The following BRINP3 variants were observed in gnomAD, a reference collection of about 807,000 sequenced individuals.
BRINP3 encodes the protein BMP/retinoic acid inducible neural specific 3, also known as BMP/retinoic acid-inducible neural-specific protein 3.
In BRINP3, 19 loss-of-function variants were observed where a neutral mutation model predicts 71.0. The ratio of observed to expected loss-of-function variants is 0.27; its 90% confidence interval spans 0.19 to 0.39. The LOEUF (loss-of-function observed/expected upper bound fraction) is 0.39, where lower values mean the gene tolerates loss of function less well. Ranked by LOEUF, BRINP3 falls within the 10% of genes least tolerant of loss-of-function variation. BRINP3 has a pLI of 1.00. For missense variants in BRINP3, 959 were observed against 940.8 expected (o/e 1.02, Z -0.25); for synonymous variants, 380 against 337.7 (o/e 1.13, Z -1.37).
chr1:190,301,218 T>TATAC (rs1206327229), intron 2 of BRINP3, among the ~76,000 whole-genome samples: 1 of 76,886 alleles, frequency 1.3e-5, no homozygotes, highest in Non-Finnish European at 2.7e-5. Flanking sequence ...TATATATATA[T>TATAC]ATATATATAT....
chr1:190,181,356 C>T (rs185740377), intron 6 of BRINP3, among the ~76,000 whole-genome samples: 156 of 151,954 alleles, frequency 1.0e-3, no homozygotes, highest in Admixed American at 2.9e-3. Context: ...TTTTGACTAC[C>T]GTAAATAAAA....
intron 2 of BRINP3, among the ~76,000 whole-genome samples, chr1:190,434,164 G>A (rs973577855): frequency 6.6e-6 from 1 of 151,710 alleles, no homozygotes; most frequent in Non-Finnish European, 1.5e-5. Flanking sequence ...CCTCACCCAG[G>A]CTGAAGTGCA....
chr1:190,327,356 A>C (rs1666672266), intron 2 of BRINP3, among the ~76,000 whole-genome samples: 1 of 144,554 alleles, frequency 6.9e-6, no homozygotes, highest in Non-Finnish European at 1.5e-5. Flanking sequence ...AAAAAGGAAA[A>C]AAAAAAAAGA....
At chr1:190,246,368 C>T (rs1265204084) in intron 4 of BRINP3, among the ~76,000 whole-genome samples, 1 of 150,042 alleles carries the variant, frequency 6.7e-6, no homozygotes, top group Non-Finnish European at 1.5e-5. Flanking sequence ...TCTTAGATTG[C>T]AGCCAATCCA....
At chr1:190,410,271 G>C (rs1183604732) in intron 2 of BRINP3, among the ~76,000 whole-genome samples, 5 of 152,026 alleles carry the variant, frequency 3.3e-5, no homozygotes, top group African/African-American at 2.4e-5. Flanking sequence ...GTTATGGGAG[G>C]GTATGCCTCT....
At chr1:190,234,279 AT>A in intron 5 of BRINP3, 92 bp downstream of exon 5, 1 of 780,294 alleles carries the variant, frequency 1.3e-6, no homozygotes, top group Non-Finnish European at 2.1e-6. Context: ...GCCTGTATGT[AT>A]ATGCAGTTTA....
At chr1:190,453,379 C>T (rs987895327) in intron 2 of BRINP3, among the ~76,000 whole-genome samples, 5 of 151,516 alleles carry the variant, frequency 3.3e-5, no homozygotes, top group African/African-American at 1.2e-4. Flanking sequence ...AGCCACCACG[C>T]CCGGCTAATT....
At chr1:190,354,576 T>C (rs1248673199) in intron 2 of BRINP3, among the ~76,000 whole-genome samples, 1 of 152,008 alleles carries the variant, frequency 6.6e-6, no homozygotes, top group Admixed American at 6.6e-5. Context: ...TTAAGAATTT[T>C]AAAATTAATT....
chr1:190,333,893 T>C (rs942041361), intron 2 of BRINP3, among the ~76,000 whole-genome samples: 15 of 151,924 alleles, frequency 9.9e-5, no homozygotes, highest in African/African-American at 3.1e-4. Context: ...TTAATTTACT[T>C]GCTCACTCTA....
intron 2 of BRINP3, among the ~76,000 whole-genome samples, chr1:190,288,966 T>A (rs1350906784): frequency 6.6e-6 from 1 of 151,896 alleles, no homozygotes; most frequent in African/African-American, 2.4e-5. Context: ...TTAGGCAACA[T>A]TTCCACTGAG....
At chr1:190,389,664 A>G (rs1671128657) in intron 2 of BRINP3, among the ~76,000 whole-genome samples, 1 of 151,804 alleles carries the variant, frequency 6.6e-6, no homozygotes, top group African/African-American at 2.4e-5. Context: ...AAGGCACATC[A>G]TTTGGCACAT....
At chr1:190,248,471 C>T (rs1659819535) in intron 4 of BRINP3, among the ~76,000 whole-genome samples, 1 of 151,570 alleles carries the variant, frequency 6.6e-6, no homozygotes, top group African/African-American at 2.4e-5. Context: ...AAGATACTAT[C>T]GTCTTAATTT....
At chr1:190,231,896 T>C (rs1300428397) in intron 5 of BRINP3, among the ~76,000 whole-genome samples, 1 of 151,936 alleles carries the variant, frequency 6.6e-6, no homozygotes, top group Non-Finnish European at 1.5e-5. Flanking sequence ...TGGTGCTTTA[T>C]TTGCTTTGCT....
At chr1:190,203,229 T>C (rs887946825) in intron 6 of BRINP3, among the ~76,000 whole-genome samples, 3 of 152,066 alleles carry the variant, frequency 2.0e-5, no homozygotes, top group Non-Finnish European at 4.4e-5. Context: ...CCATATTATA[T>C]GACAACATAG....
chr1:190,461,102 T>C (rs78797617), intron 1 of BRINP3, among the ~76,000 whole-genome samples: 2,505 of 152,316 alleles, frequency 0.016, 67 homozygotes, highest in African/African-American at 0.053. Context: ...CCCCCAATTA[T>C]GTAATGACTT....
At chr1:190,403,456 GC>G (rs1672066194) in intron 2 of BRINP3, among the ~76,000 whole-genome samples, 3 of 152,078 alleles carry the variant, frequency 2.0e-5, no homozygotes, top group Admixed American at 2.0e-4. Context: ...GCATCAAAAT[GC>G]CTGGCAACAT....
chr1:190,345,388 G>T (rs557618982), intron 2 of BRINP3, among the ~76,000 whole-genome samples: 1 of 151,830 alleles, frequency 6.6e-6, no homozygotes, highest in South Asian at 2.1e-4. Context: ...CCAAGACCTG[G>T]AATCAGGAAG....
chr1:190,105,624 G>T (rs960277528), intron 7 of BRINP3, among the ~76,000 whole-genome samples: 1 of 151,954 alleles, frequency 6.6e-6, no homozygotes, highest in East Asian at 1.9e-4. Flanking sequence ...AGAGCTAAAG[G>T]TTTACCCCTG....
intron 6 of BRINP3, among the ~76,000 whole-genome samples, chr1:190,203,661 C>T (rs1655211111): frequency 6.8e-6 from 1 of 146,864 alleles, no homozygotes; most frequent in African/African-American, 2.5e-5. Flanking sequence ...TGTAGTTTCC[C>T]CTAGGAGATT....
Sources: gnomAD v4.1 joint callset for allele counts (sites outside exome capture counted in the v4.1 genomes callset) on GRCh38, gnomAD v4.1.1 for gene constraint, MANE v1.5 for transcripts, NCBI Gene and HGNC (gene_info 2026-07-23, HGNC 2026-07-21) for gene names.